The following GALNTL6 variants were observed in gnomAD, a reference collection of about 807,000 sequenced individuals.
GALNTL6 encodes polypeptide N-acetylgalactosaminyltransferase-like 6.
A neutral mutation model predicts 73.7 loss-of-function variants in GALNTL6; 46 were observed. That is an observed-to-expected ratio of 0.62 (90% confidence interval 0.49 to 0.80). The LOEUF (loss-of-function observed/expected upper bound fraction) is 0.80. GALNTL6 is among the 30% of genes least tolerant of loss of function. The probability of loss-of-function intolerance (pLI) is 0.00; values close to 1 mark genes in which losing one functional copy is unlikely to be tolerated. For missense variants in GALNTL6, 604 were observed against 755.0 expected (o/e 0.80, Z 2.34); for synonymous variants, 259 against 263.7 (o/e 0.98, Z 0.17).
intron 2 of GALNTL6, among the ~76,000 whole-genome samples, chr4:171,891,660 T>C (rs1391745283): frequency 6.6e-6 from 1 of 152,198 alleles, no homozygotes; most frequent in African/African-American, 2.4e-5. Flanking sequence ...TGAGTATTTT[T>C]GACATTGGGA....
intron 2 of GALNTL6, among the ~76,000 whole-genome samples, chr4:171,941,784 A>C (rs985296383): frequency 6.6e-6 from 1 of 152,078 alleles, no homozygotes; most frequent in African/African-American, 2.4e-5. Flanking sequence ...TCAGTTGGAG[A>C]CCCTTCTAAG....
chr4:172,084,687 C>T (rs545822362), intron 2 of GALNTL6, among the ~76,000 whole-genome samples: 3 of 152,058 alleles, frequency 2.0e-5, no homozygotes, highest in African/African-American at 4.8e-5. Flanking sequence ...TTTAAATAGC[C>T]CACTGAATGT....
intron 2 of GALNTL6, among the ~76,000 whole-genome samples, chr4:172,144,038 A>G (rs1733865986): frequency 1.3e-5 from 2 of 152,174 alleles, no homozygotes; most frequent in South Asian, 4.1e-4. Context: ...TTAGTTTAGT[A>G]CTATCTCTCT....
chr4:172,144,864 C>T (rs1227900434), intron 2 of GALNTL6, among the ~76,000 whole-genome samples: 1 of 152,102 alleles, frequency 6.6e-6, no homozygotes, highest in African/African-American at 2.4e-5. Flanking sequence ...AATTCCAATT[C>T]CCTGTAAGAA....
At chr4:172,274,843 A>G (rs1287871291) in intron 3 of GALNTL6, among the ~76,000 whole-genome samples, 3 of 152,200 alleles carry the variant, frequency 2.0e-5, no homozygotes, top group Non-Finnish European at 4.4e-5. Flanking sequence ...TGTCAGATCA[A>G]AGGTTTCAAA....
At chr4:172,253,361 G>A (rs982804147) in intron 3 of GALNTL6, among the ~76,000 whole-genome samples, 1 of 151,830 alleles carries the variant, frequency 6.6e-6, no homozygotes, top group African/African-American at 2.4e-5. Context: ...CAAAAAGAAG[G>A]AGAAACCTGT....
At position 172,430,869 on chromosome 4, in the gene GALNTL6, T is replaced by C. The variant is rs142242239; in HGVS notation, c.553+82180T>C. Reference sequence around the variant, plus strand: ...GGGAAAATTATTTTATGAGTTGAAATAGGATTATTAAAATAGCCCTTTGTT... The same window carrying C: ...GGGAAAATTATTTTATGAGTTGAAACAGGATTATTAAAATAGCCCTTTGTT... On this transcript the variant is annotated intron_variant, in intron 5 of 12. Transcript: ENST00000506823. 5.9e-5 allele frequency among the ~76,000 whole-genome samples: 9 copies of C among 152,278 alleles called. No homozygotes were observed. In the East Asian group the frequency reaches 1.7e-3, roughly 29 times the overall value.
chr4:171,930,079 T>C (rs558921168), intron 2 of GALNTL6, among the ~76,000 whole-genome samples: 1 of 152,216 alleles, frequency 6.6e-6, no homozygotes, highest in South Asian at 2.1e-4. Flanking sequence ...TAACAGCCAA[T>C]GTGGCAGTGG....
At chr4:171,886,527 C>A (rs1174265850) in intron 2 of GALNTL6, among the ~76,000 whole-genome samples, 1 of 152,036 alleles carries the variant, frequency 6.6e-6, no homozygotes, top group South Asian at 2.1e-4. Context: ...GTGTATTAGT[C>A]CATTTTCACA....
chr4:172,023,692 A>G (rs1231225896), intron 2 of GALNTL6, among the ~76,000 whole-genome samples: 1 of 151,972 alleles, frequency 6.6e-6, no homozygotes, highest in East Asian at 1.9e-4. Flanking sequence ...TGTGCTTGAT[A>G]TAAATGATGC....
intron 5 of GALNTL6, among the ~76,000 whole-genome samples, chr4:172,631,902 A>G (rs531558448): frequency 1.3e-5 from 2 of 152,348 alleles, no homozygotes; most frequent in East Asian, 3.9e-4. Flanking sequence ...TAACACTGTA[A>G]GTCTACATCA....
intron 5 of GALNTL6, among the ~76,000 whole-genome samples, chr4:172,775,659 A>G (rs1739032205): frequency 6.6e-6 from 1 of 152,128 alleles, no homozygotes; most frequent in Admixed American, 6.6e-5. Flanking sequence ...AATAATGCTG[A>G]ATTCCTTGTG....
intron 2 of GALNTL6, among the ~76,000 whole-genome samples, chr4:171,953,798 G>A (rs1474808490): frequency 2.6e-5 from 4 of 152,064 alleles, no homozygotes; most frequent in African/African-American, 9.7e-5. Flanking sequence ...TTGAGAAATA[G>A]CCCAAGAGAC....
At chr4:171,964,446 A>T (rs1273337183) in intron 2 of GALNTL6, among the ~76,000 whole-genome samples, 2 of 152,198 alleles carry the variant, frequency 1.3e-5, no homozygotes, top group African/African-American at 4.8e-5. Context: ...AAGGAATCAA[A>T]AGCTTTTTAA....
chr4:172,479,964 C>T (rs561196365), intron 5 of GALNTL6, among the ~76,000 whole-genome samples: 12 of 152,128 alleles, frequency 7.9e-5, no homozygotes, highest in Non-Finnish European at 1.3e-4. Context: ...CATAGCAAAA[C>T]ACCCCTCATT....
Position 172,056,353 on chromosome 4 carries a change from C to T in GALNTL6, c.139-173303C>T, listed in dbSNP as rs140098150. ...TAGCATTCTTTCGTATATACAAGTA[C>T]CATAATTGATTAAAATATTTACTTT... On this transcript the variant is annotated intron_variant, in intron 2 of 12. Transcript: ENST00000506823. 3.7e-3 allele frequency among the ~76,000 whole-genome samples: 558 copies of T among 152,156 alleles called. 4 individuals carry two copies. The highest frequency in any genetic ancestry group is 3.3e-3 in the Non-Finnish European group (222 of 68,006).
chr4:172,311,796 T>C lies in GALNTL6; in HGVS notation c.386+44T>C, dbSNP rs1234307804. On this transcript the variant is annotated intron_variant, in intron 4 of 12. Transcript: ENST00000506823. ...GTGATCAGGGTGGGTTTTTTTGGTTTTTTTTGTCCTTTGATTTTTTTTTAA... is the reference window on the plus strand; with the variant it reads ...GTGATCAGGGTGGGTTTTTTTGGTTCTTTTTGTCCTTTGATTTTTTTTTAA... 3.6e-6 allele frequency: 5 copies of C among 1,369,994 alleles called. No individual in the cohort carries two copies. In the South Asian group the frequency reaches 5.5e-5, roughly 15 times the overall value. 84.9% of individuals were successfully genotyped at this position (1,369,994 alleles called of 1,614,324 possible).
At chr4:172,571,989 C>T (rs1288233625) in intron 5 of GALNTL6, among the ~76,000 whole-genome samples, 1 of 152,154 alleles carries the variant, frequency 6.6e-6, no homozygotes, top group Admixed American at 6.5e-5. Flanking sequence ...GTCAAATTTT[C>T]TATGTACAGT....
intron 5 of GALNTL6, among the ~76,000 whole-genome samples, chr4:172,629,132 G>A (rs552791398): frequency 2.0e-5 from 3 of 152,214 alleles, no homozygotes; most frequent in African/African-American, 7.2e-5. Flanking sequence ...GTCTATCTGT[G>A]TCTTGTGTGT....
Sources: gnomAD v4.1 joint callset for allele counts (sites outside exome capture counted in the v4.1 genomes callset) on GRCh38, gnomAD v4.1.1 for gene constraint, MANE v1.5 for transcripts, NCBI Gene and HGNC (gene_info 2026-07-23, HGNC 2026-07-21) for gene names.